The following TFPI variants were observed in gnomAD, a reference collection of about 807,000 sequenced individuals.
TFPI encodes anti-convertin.
Under a neutral mutation model 34.6 loss-of-function variants are expected in TFPI, and 15 were observed. The ratio of observed to expected loss-of-function variants is 0.43; its 90% CI spans 0.29 to 0.67. The LOEUF (loss-of-function observed/expected upper bound fraction) is 0.67, where lower values mean the gene tolerates loss of function less well. TFPI is among the 30% of genes least tolerant of loss of function. The pLI is 0.15. For missense variants in TFPI, 301 were observed against 364.0 expected (o/e 0.83, Z 1.41); for synonymous variants, 105 against 120.1 (o/e 0.87, Z 0.82).
rs1691683827 is a variant in TFPI, at chr2:187,465,610, A to G, written c.*1326T>C. ...GCATAAAGATTTGGAGACTGTTTAG[A>G]TGTGGTATATGAGGGAAAACAGGAA... On this transcript the variant is annotated 3_prime_UTR_variant, in exon 8 of 8. Transcript: ENST00000233156. 1 of 148,692 alleles carries G rather than the reference A, an allele frequency of 6.7e-6. No homozygotes were observed. The highest frequency in any genetic ancestry group is 6.7e-5 in the Admixed American group (1 of 14,988). 9.2% of individuals were successfully genotyped at this position (148,692 alleles called of 1,614,324 possible).
chr2:187,481,938 A>G (rs1692897155), intron 6 of TFPI, among the ~76,000 whole-genome samples: 1 of 152,020 alleles, frequency 6.6e-6, no homozygotes, highest in African/African-American at 2.4e-5. Context: ...TTTTACAAGC[A>G]TTTATTTATT....
In TFPI at chr2:187,466,737, A is replaced by G. The variant is rs997980461; in HGVS notation, c.*199T>C. The G allele has an allele frequency of 1.6e-5, 5 of 307,538 alleles. No homozygotes were observed. Among genetic ancestry groups the G allele is most frequent in the African/African-American group, 1.1e-4 (5 of 44,984 alleles). The allele number at this position is 307,538 out of a possible 1,614,324, so 19.1% of individuals were successfully genotyped here. A position where few individuals can be genotyped will look rare whatever the true frequency, so the allele number is the denominator to read the frequency against. ...GTAATTTCCCAGTAGCCAGTTAATA[A>G]ATTACAGACCTAGAATAAGCAATTT... On this transcript the variant is annotated 3_prime_UTR_variant, in exon 8 of 8. Coordinates refer to ENST00000233156, the MANE Select transcript of TFPI (RefSeq NM_006287.6).
Position 187,505,865 on chromosome 2 carries a change from G to A in TFPI, c.-2-2095C>T, listed in dbSNP as rs189010393. 2.7e-3 allele frequency among the ~76,000 whole-genome samples: 418 copies of A among 152,202 alleles called. 1 individual carries two copies. The highest frequency in any genetic ancestry group is 3.8e-3 in the Non-Finnish European group (256 of 67,994). ...TGGTTTGGGTGGTGGAAACGGACAA[G>A]TGTAACTCCCAGAAGGAGGAAATTG... On this transcript the variant is annotated intron_variant, in intron 1 of 7. Coordinates refer to ENST00000233156, the MANE Select transcript of TFPI (RefSeq NM_006287.6).
chr2:187,485,462 G>A (rs906431427), intron 4 of TFPI, among the ~76,000 whole-genome samples: 1 of 151,662 alleles, frequency 6.6e-6, no homozygotes, highest in Admixed American at 6.6e-5. Context: ...GAATATTTGA[G>A]GGGTAGGAAG....
intron 2 of TFPI, among the ~76,000 whole-genome samples, chr2:187,502,495 G>A (rs891333092): frequency 6.6e-6 from 1 of 152,120 alleles, no homozygotes; most frequent in Non-Finnish European, 1.5e-5. Flanking sequence ...GAAAAAAGCC[G>A]AATGAGGGAT....
chr2:187,479,773 T>TA (rs1692700985), intron 6 of TFPI, among the ~76,000 whole-genome samples: 1 of 151,496 alleles, frequency 6.6e-6, no homozygotes, highest in African/African-American at 2.4e-5. Flanking sequence ...TTAGGGAATC[T>TA]AACCATGAAG....
At chr2:187,525,428 T>C (rs1687626526) in intron 1 of TFPI, among the ~76,000 whole-genome samples, 1 of 151,948 alleles carries the variant, frequency 6.6e-6, no homozygotes, top group Non-Finnish European at 1.5e-5. Flanking sequence ...CTTTCTCCCT[T>C]CCTCCCTTCC....
chr2:187,533,238 G>A (rs1241986226), intron 1 of TFPI, among the ~76,000 whole-genome samples: 1 of 152,176 alleles, frequency 6.6e-6, no homozygotes, highest in Non-Finnish European at 1.5e-5. Flanking sequence ...GCCTCTTCAA[G>A]TGGGTTCCTG....
At chr2:187,520,927 T>A (rs1687335883) in intron 1 of TFPI, among the ~76,000 whole-genome samples, 1 of 152,050 alleles carries the variant, frequency 6.6e-6, no homozygotes, top group African/African-American at 2.4e-5. Flanking sequence ...TCCATCAATA[T>A]GAGTTTTTAA....
intron 2 of TFPI, among the ~76,000 whole-genome samples, chr2:187,500,637 T>A (rs994275482): frequency 1.3e-5 from 2 of 152,184 alleles, no homozygotes; most frequent in Non-Finnish European, 2.9e-5. Context: ...CTTTTATGAA[T>A]TATATTTTGT....
chr2:187,479,976 G>A (rs1017355195), intron 6 of TFPI, among the ~76,000 whole-genome samples: 4 of 152,012 alleles, frequency 2.6e-5, no homozygotes, highest in East Asian at 1.9e-4. Flanking sequence ...TGGAAATGTC[G>A]AAAAGATAAA....
At chr2:187,478,660 G>A (rs755716729) in intron 6 of TFPI, 1 of 1,610,174 alleles carries the variant, frequency 6.2e-7, no homozygotes, top group Admixed American at 1.7e-5. Flanking sequence ...TTAAGGAAAT[G>A]CCAAAAGCAC....
At chr2:187,472,982 CA>C (rs952417804) in intron 6 of TFPI, among the ~76,000 whole-genome samples, 1 of 151,876 alleles carries the variant, frequency 6.6e-6, no homozygotes, top group Non-Finnish European at 1.5e-5. Context: ...CACTGCACTT[CA>C]GCCTGGGTAA....
chr2:187,474,101 T>C (rs557613736), intron 6 of TFPI, among the ~76,000 whole-genome samples: 1 of 152,292 alleles, frequency 6.6e-6, no homozygotes, highest in South Asian at 2.1e-4. Flanking sequence ...GGTAAAATTA[T>C]AGATTATACA....
chr2:187,532,906 G>A lies in TFPI; in HGVS notation c.-3+21294C>T, dbSNP rs568582560. Among the ~76,000 whole-genome samples, 7 of 152,268 alleles carry A rather than the reference G, an allele frequency of 4.6e-5. No homozygotes were observed. The East Asian group carries it at 7.7e-4, about 17-fold the overall frequency. On this transcript the variant is annotated intron_variant, in intron 1 of 7. Coordinates refer to ENST00000233156, the MANE Select transcript of TFPI (RefSeq NM_006287.6). The stretch of plus-strand genomic sequence containing the variant: ...CAGCTTTGTCAGGGGAGGGGCATCC[G>A]CCATTACAGAGGCTTGAGTAGCCGG...
intron 1 of TFPI, among the ~76,000 whole-genome samples, chr2:187,528,145 C>T (rs1687771755): frequency 6.6e-6 from 1 of 152,108 alleles, no homozygotes; most frequent in African/African-American, 2.4e-5. Context: ...ACTTCTACAT[C>T]ACTCTATCCA....
At chr2:187,518,974 CTG>C (rs1306092049) in intron 1 of TFPI, 1 of 152,152 alleles carries the variant, frequency 6.6e-6, no homozygotes, top group Non-Finnish European at 1.5e-5. Context: ...AGTTCTCATG[CTG>C]TGTTTTTTAG....
At chr2:187,482,880 A>T (rs572921560) in intron 6 of TFPI, among the ~76,000 whole-genome samples, 1 of 151,972 alleles carries the variant, frequency 6.6e-6, no homozygotes, top group East Asian at 1.9e-4. Flanking sequence ...TTCACATAAT[A>T]GTGTTTCAGT....
chr2:187,488,383 C>A lies in TFPI; in HGVS notation c.320-8G>T. On this transcript the variant is annotated splice_region_variant and splice_polypyrimidine_tract_variant and intron_variant, in intron 3 of 7. Transcript: ENST00000233156. ...TAATCCTGTTTGCATTATCTGTAAT[C>A]AAAAGAATATATGCATATCAATTGT... 6.5e-7 allele frequency: 1 copy of A among 1,527,226 alleles called. No individual in the cohort carries two copies. The highest frequency in any genetic ancestry group is 1.3e-5 in the South Asian group (1 of 75,486). 94.6% of individuals were successfully genotyped at this position (1,527,226 alleles called of 1,614,324 possible).
Sources: gnomAD v4.1 joint callset for allele counts (sites outside exome capture counted in the v4.1 genomes callset) on GRCh38, gnomAD v4.1.1 for gene constraint, MANE v1.5 for transcripts, NCBI Gene and HGNC (gene_info 2026-07-23, HGNC 2026-07-21) for gene names.